UBR3: variants seen among roughly 807,000 people sequenced by gnomAD.
UBR3 encodes the protein ubiquitin protein ligase E3 component n-recognin 3.
In UBR3, 85 loss-of-function variants were observed where a neutral mutation model predicts 243.2. That is an observed-to-expected ratio of 0.35 (90% CI 0.29 to 0.42). The LOEUF (loss-of-function observed/expected upper bound fraction) is 0.42. Ranked by LOEUF, UBR3 falls within the 10% of genes least tolerant of loss-of-function variation. The probability of loss-of-function intolerance (pLI) is 1.00; values close to 1 mark genes in which losing one functional copy is unlikely to be tolerated. For synonymous variants in UBR3, 748 were observed against 799.8 expected (o/e 0.94, Z 1.09); for missense variants, 1,686 against 2,300.8 (o/e 0.73, Z 5.47).
chr2:169,932,659 G>A (rs2086180056), intron 18 of UBR3, among the ~76,000 whole-genome samples: 1 of 152,116 alleles, frequency 6.6e-6, no homozygotes, highest in Admixed American at 6.6e-5. Context: ...AACTTTTCTG[G>A]TGAGGCATTG....
chr2:169,980,590 G>A (rs576338817), intron 24 of UBR3, among the ~76,000 whole-genome samples: 4 of 151,636 alleles, frequency 2.6e-5, no homozygotes, highest in African/African-American at 9.7e-5. Flanking sequence ...CCAGGTACAA[G>A]CACACCCATT....
intron 30 of UBR3, among the ~76,000 whole-genome samples, chr2:170,019,616 T>G (rs1293904243): frequency 6.6e-6 from 1 of 151,994 alleles, no homozygotes; most frequent in Non-Finnish European, 1.5e-5. Context: ...GCCCAGAAGG[T>G]GGAGGCTGGA....
intron 30 of UBR3, among the ~76,000 whole-genome samples, chr2:170,019,562 G>T (rs1388834999): frequency 6.6e-6 from 1 of 151,922 alleles, no homozygotes; most frequent in Non-Finnish European, 1.5e-5. Context: ...GCGTGTGCCT[G>T]TGGTCCCAGC....
At chr2:169,966,368 A>G (rs1349532711) in intron 24 of UBR3, among the ~76,000 whole-genome samples, 1 of 152,188 alleles carries the variant, frequency 6.6e-6, no homozygotes, top group Non-Finnish European at 1.5e-5. Flanking sequence ...TATTAAACAT[A>G]TTACATTTTA....
chr2:170,024,204 A>G (rs1034082018), intron 30 of UBR3, among the ~76,000 whole-genome samples: 3 of 151,796 alleles, frequency 2.0e-5, no homozygotes, highest in Non-Finnish European at 4.4e-5. Flanking sequence ...AATACAAAAA[A>G]TTAGCCTGGT....
chr2:169,982,728 T>C (rs1375999632), intron 24 of UBR3, among the ~76,000 whole-genome samples: 1 of 152,216 alleles, frequency 6.6e-6, no homozygotes, highest in Non-Finnish European at 1.5e-5. Context: ...TCAATTCTTT[T>C]GAGTTTCTAT....
At chr2:170,041,082 CTT>C in intron 32 of UBR3, 97 bp downstream of exon 32, 1 of 1,194,810 alleles carries the variant, frequency 8.4e-7, no homozygotes, top group Non-Finnish European at 1.2e-6. Flanking sequence ...GTGGCTCATG[CTT>C]GTAATCCCCG....
At chr2:169,912,935 C>T (rs1188367727) in intron 10 of UBR3, among the ~76,000 whole-genome samples, 1 of 152,100 alleles carries the variant, frequency 6.6e-6, no homozygotes, top group Non-Finnish European at 1.5e-5. Context: ...TAAATGCACG[C>T]CACCACTCTT....
intron 32 of UBR3, among the ~76,000 whole-genome samples, chr2:170,051,066 C>A (rs1272808660): frequency 1.3e-5 from 2 of 152,042 alleles, no homozygotes; most frequent in Non-Finnish European, 2.9e-5. Context: ...AGTTGTTATA[C>A]TGTATTTTTT....
chr2:169,830,432 A>C (rs1387448612), intron 1 of UBR3, among the ~76,000 whole-genome samples: 1 of 152,160 alleles, frequency 6.6e-6, no homozygotes, highest in East Asian at 1.9e-4. Flanking sequence ...TATGTGATTT[A>C]ACTTATTTAT....
Position 169,926,694 on chromosome 2 carries a change from T to G in UBR3, c.2154T>G (p.Val718=), listed in dbSNP as rs1194081027. ...MIDPDIYLLQ[V]CASRLDPDYF... ...AAGCATTTTGTTTTCTTTTAAAGGT[T>G]TGTGCTTCTAGACTTGACCCAGATT... The change falls in exon 15 of 39, where the codon GTT becomes GTG. Residue 718 remains valine, a splice_region_variant and synonymous_variant. Coordinates refer to ENST00000272793, the MANE Select transcript of UBR3 (RefSeq NM_172070.4). 7.8e-6 allele frequency: 12 copies of G among 1,546,556 alleles called. No individual in the cohort carries two copies. Among genetic ancestry groups the G allele is most frequent in the Non-Finnish European group, 1.0e-5 (12 of 1,145,416 alleles).
chr2:169,838,133 A>G (rs1339140276), intron 1 of UBR3, among the ~76,000 whole-genome samples: 2 of 152,190 alleles, frequency 1.3e-5, no homozygotes, highest in Non-Finnish European at 2.9e-5. Flanking sequence ...GTTGACTGGC[A>G]TCACATTAAA....
At chr2:169,874,560 C>T (rs2083537859) in intron 2 of UBR3, among the ~76,000 whole-genome samples, 1 of 152,158 alleles carries the variant, frequency 6.6e-6, no homozygotes, top group Non-Finnish European at 1.5e-5. Flanking sequence ...AATGAAAACT[C>T]AGAGATCTTG....
chr2:169,912,662 G>GA (rs1330253101), intron 10 of UBR3, among the ~76,000 whole-genome samples: 1 of 152,042 alleles, frequency 6.6e-6, no homozygotes, highest in Non-Finnish European at 1.5e-5. Context: ...ATACTTCTGT[G>GA]AATGTTTATA....
At chr2:170,066,955 C>T (rs2091582516) in intron 35 of UBR3, among the ~76,000 whole-genome samples, 1 of 52,436 alleles carries the variant, frequency 1.9e-5, no homozygotes, top group African/African-American at 4.4e-5. Context: ...CAGAGCGAGA[C>T]TCCGTCTCTA....
intron 19 of UBR3, among the ~76,000 whole-genome samples, chr2:169,935,040 A>C (rs763327076): frequency 6.6e-6 from 1 of 152,226 alleles, no homozygotes; most frequent in Non-Finnish European, 1.5e-5. Context: ...TCTTAAAAAG[A>C]AAACAAAAAC....
In UBR3 at chr2:169,872,388, C is replaced by T; in HGVS notation, c.685+13C>T. ...TATAATGAACCAGGTATGTTTTAAT[C>T]TACTTCTTGTTAGTACTCTTTTTAA... On this transcript the variant is annotated intron_variant, in intron 2 of 38. Transcript: ENST00000272793. 1.4e-6 allele frequency: 2 copies of T among 1,432,164 alleles called. No homozygotes were observed. The highest frequency in any genetic ancestry group is 9.4e-7 in the Non-Finnish European group (1 of 1,061,722). 88.7% of individuals were successfully genotyped at this position (1,432,164 alleles called of 1,614,324 possible). A position where few individuals can be genotyped will look rare whatever the true frequency, so the allele number is the denominator to read the frequency against.
At chr2:169,848,686 A>G (rs2082563942) in intron 1 of UBR3, among the ~76,000 whole-genome samples, 1 of 149,416 alleles carries the variant, frequency 6.7e-6, no homozygotes, top group Admixed American at 6.8e-5. Flanking sequence ...GATCTTGAAA[A>G]CATGTAATGT....
chr2:169,880,570 A>C (rs895764045), intron 5 of UBR3, among the ~76,000 whole-genome samples: 1 of 151,922 alleles, frequency 6.6e-6, no homozygotes, highest in African/African-American at 2.4e-5. Flanking sequence ...ACAACATTCT[A>C]TTTTATGGTT....
Sources: allele counts gnomAD v4.1 joint callset (sites outside exome capture counted in the v4.1 genomes callset), GRCh38; gene constraint gnomAD v4.1.1; transcripts MANE v1.5; gene names NCBI Gene and HGNC (gene_info 2026-07-23, HGNC 2026-07-21).